Variants in AIG1 observed in about 807,000 individuals in gnomAD.
AIG1 encodes the protein androgen-induced gene 1 protein.
Under a neutral mutation model 31.4 loss-of-function variants are expected in AIG1, and 23 were observed. The observed-to-expected ratio is 0.73, with a 90% CI of 0.53 to 1.04. The LOEUF is 1.04. AIG1 is among the 50% of genes least tolerant of loss of function. The probability of loss-of-function intolerance (pLI) is 0.00; values close to 1 mark genes in which losing one functional copy is unlikely to be tolerated. For synonymous variants in AIG1, 100 were observed against 110.5 expected, an observed-to-expected ratio of 0.90 and a Z score of 0.60; for missense variants, 274 against 295.0, an observed-to-expected ratio of 0.93 and a Z score of 0.52.
intron 1 of AIG1, among the ~76,000 whole-genome samples, chr6:143,083,481 CTG>C (rs955620239): frequency 6.6e-6 from 1 of 152,192 alleles, no homozygotes; most frequent in African/African-American, 2.4e-5. Context: ...AGGTCCAGGA[CTG>C]TAAACCACTC....
Position 143,323,774 on chromosome 6 carries a change from G to A in AIG1, c.516-9508G>A, listed in dbSNP as rs115390828. Among the ~76,000 whole-genome samples the A allele has an allele frequency of 9.0e-3, 1,376 of 152,220 alleles. 15 individuals carry two copies. Among genetic ancestry groups the A allele is most frequent in the African/African-American group, 0.032 (1,326 of 41,524 alleles). On this transcript the variant is annotated intron_variant, in intron 4 of 5. Transcript: ENST00000357847. ...ACTGCTGCTCACCCCACCTGACACA[G>A]AGTGAAGACTCAAGAAACATTCATT...
chr6:143,152,138 C>T (rs1309037451), intron 2 of AIG1, among the ~76,000 whole-genome samples: 1 of 152,200 alleles, frequency 6.6e-6, no homozygotes, highest in African/African-American at 2.4e-5. Flanking sequence ...TCTGCTACTA[C>T]ACCCAAGGCA....
intron 3 of AIG1, among the ~76,000 whole-genome samples, chr6:143,260,349 CT>C (rs1248257002): frequency 6.6e-6 from 1 of 152,218 alleles, no homozygotes; most frequent in Non-Finnish European, 1.5e-5. Context: ...ACACCTCCCC[CT>C]ATCCCATCCA....
chr6:143,131,341 C>T (rs988014042), intron 1 of AIG1, among the ~76,000 whole-genome samples: 10 of 152,122 alleles, frequency 6.6e-5, no homozygotes, highest in African/African-American at 1.9e-4. Context: ...AAATGGCCCC[C>T]AGAGATGTTT....
intron 1 of AIG1, among the ~76,000 whole-genome samples, chr6:143,109,243 G>T (rs1781065438): frequency 6.6e-6 from 1 of 151,922 alleles, no homozygotes; most frequent in Admixed American, 6.6e-5. Flanking sequence ...ATTCCATTTT[G>T]TATGTTTTAA....
rs915091987 is a variant in AIG1 at position 143,268,659 on chromosome 6, C to T, written c.400-15451C>T. Among the ~76,000 whole-genome samples, 6 of 152,108 alleles carry T rather than the reference C, an allele frequency of 3.9e-5. No individual in the cohort carries two copies. The highest frequency in any genetic ancestry group is 7.3e-5 in the Non-Finnish European group (5 of 68,028). ...TGTCAGCAGATTCATAACCCTGCAG[C>T]GCAATTTTGGATTGTCAGAATCTGT... is the stretch of plus-strand genomic sequence containing the variant. On this transcript the variant is annotated intron_variant, in intron 3 of 5. Transcript: ENST00000357847. The surrounding 1 kb of genome is among the most constrained non-coding windows in gnomAD (Gnocchi z 5.0).
intron 3 of AIG1, among the ~76,000 whole-genome samples, chr6:143,254,555 T>A (rs1411173652): frequency 2.0e-5 from 3 of 152,146 alleles, no homozygotes; most frequent in African/African-American, 7.2e-5. Flanking sequence ...TTTGTTTTGT[T>A]TTTAGATATT....
At chr6:143,251,094 C>A (rs1036359154) in intron 3 of AIG1, among the ~76,000 whole-genome samples, 8 of 152,160 alleles carry the variant, frequency 5.3e-5, no homozygotes, top group Non-Finnish European at 1.0e-4. Flanking sequence ...GCTCTGTCAC[C>A]CAGGCTGGAG....
At chr6:143,196,893 C>T (rs1446578370) in intron 3 of AIG1, among the ~76,000 whole-genome samples, 1 of 152,154 alleles carries the variant, frequency 6.6e-6, no homozygotes, top group Non-Finnish European at 1.5e-5. Context: ...TTGCAGCAGT[C>T]GTCATGGTTA....
At chr6:143,234,135 C>T (rs1479861214) in intron 3 of AIG1, among the ~76,000 whole-genome samples, 4 of 152,040 alleles carry the variant, frequency 2.6e-5, no homozygotes, top group African/African-American at 7.2e-5. Context: ...CCATCTAGGT[C>T]GGGGGTTGGT....
chr6:143,182,405 A>T (rs1220192852), intron 3 of AIG1, among the ~76,000 whole-genome samples: 1 of 152,172 alleles, frequency 6.6e-6, no homozygotes, highest in Non-Finnish European at 1.5e-5. Flanking sequence ...ATGAATCAGT[A>T]GATGTTAATG....
At position 143,256,588 on chromosome 6, in the gene AIG1, G is replaced by A. The variant is rs944966182; in HGVS notation, c.400-27522G>A. On this transcript the variant is annotated intron_variant, in intron 3 of 5. Transcript: ENST00000357847. The surrounding 1 kb of genome is among the most constrained non-coding windows in gnomAD (Gnocchi z 4.6). ...AAACAAAATCTTCCATGGACATCGA[G>A]CAGATAAAAATGGAACCGTTACAGC... is the stretch of plus-strand genomic sequence containing the variant. Among the ~76,000 whole-genome samples, 5 of 152,156 alleles carry A rather than the reference G, an allele frequency of 3.3e-5. No homozygotes were observed. Among genetic ancestry groups the A allele is most frequent in the Non-Finnish European group, 7.4e-5 (5 of 68,022 alleles).
chr6:143,339,822 A>T lies in AIG1; in HGVS notation c.*146A>T. 2 of 640,208 alleles carry T rather than the reference A, an allele frequency of 3.1e-6. No homozygotes were observed. Among genetic ancestry groups the T allele is most frequent in the Non-Finnish European group, 5.2e-6 (2 of 384,930 alleles). 39.7% of individuals were successfully genotyped at this position (640,208 alleles called of 1,614,324 possible). On this transcript the variant is annotated 3_prime_UTR_variant, in exon 6 of 6. Coordinates refer to ENST00000357847, the MANE Select transcript of AIG1 (RefSeq NM_016108.4). ...CCAATGAGGACACCTTTTATATATA[A>T]ATATGTATAAACATAGAATACAGTT...
At chr6:143,208,333 T>C (rs1330215443) in intron 3 of AIG1, among the ~76,000 whole-genome samples, 3 of 152,166 alleles carry the variant, frequency 2.0e-5, no homozygotes, top group Non-Finnish European at 4.4e-5. Context: ...TGGGTAGAAG[T>C]ACAAGCAAAA....
intron 1 of AIG1, among the ~76,000 whole-genome samples, chr6:143,124,480 T>A (rs1479149296): frequency 6.6e-6 from 1 of 152,222 alleles, no homozygotes; most frequent in Non-Finnish European, 1.5e-5. Flanking sequence ...ACTCCTTCTG[T>A]GCACCTGCTC....
At chr6:143,136,315 T>C (rs1002330879) in intron 1 of AIG1, among the ~76,000 whole-genome samples, 1 of 152,106 alleles carries the variant, frequency 6.6e-6, no homozygotes, top group Non-Finnish European at 1.5e-5. Flanking sequence ...CTTCCTTTGA[T>C]AGAAAAAATA....
At chr6:143,234,071 C>T (rs755502657) in intron 3 of AIG1, among the ~76,000 whole-genome samples, 6 of 152,138 alleles carry the variant, frequency 3.9e-5, no homozygotes, top group African/African-American at 9.7e-5. Flanking sequence ...GGTGCTTGAA[C>T]GGCAGGCAAT....
downstream of AIG1, chr6:143,342,114 G>T: frequency 2.3e-6 from 1 of 441,318 alleles, no homozygotes. Context: ...TCGTAGAGAC[G>T]GGTTTCTCCA....
chr6:143,289,131 A>G lies in AIG1; in HGVS notation c.515+4906A>G, dbSNP rs148616236. The stretch of plus-strand genomic sequence containing the variant: ...ATCAGGCTCTTTGTTAATCTCTCCT[A>G]GATCCAGGAAGGTCCTGGCTGTATT... On this transcript the variant is annotated intron_variant, in intron 4 of 5. Coordinates refer to ENST00000357847, the MANE Select transcript of AIG1 (RefSeq NM_016108.4). Among the ~76,000 whole-genome samples, 979 of 152,272 alleles carry G rather than the reference A, an allele frequency of 6.4e-3. 7 individuals are homozygous for G. The highest frequency in any genetic ancestry group is 9.8e-3 in the Non-Finnish European group (664 of 68,002).
Sources: gnomAD v4.1 joint callset for allele counts (sites outside exome capture counted in the v4.1 genomes callset) on GRCh38, gnomAD v4.1.1 for gene constraint, Gnocchi (gnomAD v3.1) non-coding constraint, MANE v1.5 for transcripts, NCBI Gene and HGNC (gene_info 2026-07-23, HGNC 2026-07-21) for gene names.